SUMF1: variants seen among roughly 807,000 people sequenced by gnomAD.
The protein encoded by SUMF1 is sulfatase modifying factor 1.
In SUMF1, 48 loss-of-function variants were observed where a neutral mutation model predicts 47.6. The observed-to-expected ratio is 1.01, with a 90% CI of 0.80 to 1.28. SUMF1 has a LOEUF of 1.28. Among genes scored for constraint, SUMF1 ranks in the 50% most tolerant of loss-of-function variants. The pLI, the probability that SUMF1 is intolerant of heterozygous loss-of-function variation, is 0.00. For missense variants in SUMF1, 571 were observed against 485.4 expected, an observed-to-expected ratio of 1.18 and a Z score of -1.66; for synonymous variants, 230 against 192.1, an observed-to-expected ratio of 1.20 and a Z score of -1.63.
At chr3:4,137,672 A>G (rs1190723780) in intron 8 of SUMF1, among the ~76,000 whole-genome samples, 1 of 152,106 alleles carries the variant, frequency 6.6e-6, no homozygotes, top group African/African-American at 2.4e-5. Context: ...TCAACCTGAT[A>G]AAGGGAATCT....
At chr3:4,043,426 A>T (rs1694945449) in intron 9 of SUMF1, among the ~76,000 whole-genome samples, 1 of 152,134 alleles carries the variant, frequency 6.6e-6, no homozygotes, top group Non-Finnish European at 1.5e-5. Context: ...CCTCCTTTTC[A>T]AACTATTTGT....
intron 8 of SUMF1, among the ~76,000 whole-genome samples, chr3:4,172,988 T>G (rs1264803049): frequency 6.6e-6 from 1 of 152,186 alleles, no homozygotes; most frequent in African/African-American, 2.4e-5. Context: ...TGGTTTTAAG[T>G]CTTAGTTTAA....
intron 3 of SUMF1, among the ~76,000 whole-genome samples, chr3:4,432,713 G>C (rs767048603): frequency 6.6e-6 from 1 of 152,122 alleles, no homozygotes; most frequent in Non-Finnish European, 1.5e-5. Flanking sequence ...TTGAATCGCA[G>C]TCCGTCATCA....
At position 4,304,018 on chromosome 3, in the gene SUMF1, G is replaced by A. The variant is rs76956955; in HGVS notation, c.1014+72312C>T. The A allele has an allele frequency of 4.9e-3, 1,536 of 311,010 alleles. 13 individuals carry two copies. Among genetic ancestry groups the A allele is most frequent in the South Asian group, 9.9e-3 (245 of 24,746 alleles). 19.3% of individuals were successfully genotyped at this position (311,010 alleles called of 1,614,324 possible). On this transcript the variant is annotated intron_variant and NMD_transcript_variant, in intron 8 of 12. Transcript: ENST00000448413. ...TGTGGCTCAGCCTTAGAGTCTTCCA[G>A]CGTACAGTGGAACAGTACCTCTCTT...
intron 8 of SUMF1, among the ~76,000 whole-genome samples, chr3:4,150,328 G>A (rs1000248423): frequency 1.2e-4 from 18 of 150,246 alleles, no homozygotes; most frequent in South Asian, 2.1e-4. Context: ...TTGGGAGGCC[G>A]AGGCAGGTGG....
intron 8 of SUMF1, among the ~76,000 whole-genome samples, chr3:4,196,617 G>T (rs1459279469): frequency 6.6e-6 from 1 of 152,068 alleles, no homozygotes; most frequent in Non-Finnish European, 1.5e-5. Context: ...CAGAGACCTT[G>T]GCTAAAGTAC....
chr3:4,330,380 G>A (rs1408192059), intron 8 of SUMF1, among the ~76,000 whole-genome samples: 1 of 152,228 alleles, frequency 6.6e-6, no homozygotes. Context: ...AGGTTTAATG[G>A]ATTCACAGTT....
intron 8 of SUMF1, among the ~76,000 whole-genome samples, chr3:4,374,802 G>A (rs901962033): frequency 1.3e-5 from 2 of 152,184 alleles, no homozygotes; most frequent in African/African-American, 2.4e-5. Context: ...TAAAGACTCT[G>A]ATGTATACGT....
At chr3:4,415,845 G>A (rs1701693848) in intron 6 of SUMF1, among the ~76,000 whole-genome samples, 1 of 152,052 alleles carries the variant, frequency 6.6e-6, no homozygotes, top group Admixed American at 6.6e-5. Flanking sequence ...AAATAAAATG[G>A]CTCAAGGTTG....
chr3:4,188,381 G>A (rs1215839026), intron 8 of SUMF1, among the ~76,000 whole-genome samples: 1 of 152,000 alleles, frequency 6.6e-6, no homozygotes. Flanking sequence ...TAATATAATG[G>A]CATGTATCCA....
rs561688547 is a variant in SUMF1, at chr3:4,309,695, A to G, written c.1014+66635T>C. On this transcript the variant is annotated intron_variant and NMD_transcript_variant, in intron 8 of 12. Transcript: ENST00000448413. ...TCAGTAGGCCTCATCTACGTGGCAG[A>G]ACTTGGAAATGCCAGGCAAACACTA... 7.2e-5 allele frequency among the ~76,000 whole-genome samples: 11 copies of G among 152,324 alleles called. No individual in the cohort carries two copies. In the South Asian group the frequency reaches 1.9e-3, roughly 26 times the overall value.
chr3:4,462,764 G>C (rs1160441835), intron 1 of SUMF1, among the ~76,000 whole-genome samples: 1 of 152,136 alleles, frequency 6.6e-6, no homozygotes, highest in Non-Finnish European at 1.5e-5. Context: ...CATGCTCTCT[G>C]GATCTGTCCA....
chr3:4,242,587 A>T (rs192984485), intron 8 of SUMF1, among the ~76,000 whole-genome samples: 2 of 152,174 alleles, frequency 1.3e-5, no homozygotes, highest in Non-Finnish European at 2.9e-5. Flanking sequence ...ATTGATTTAT[A>T]TATGTTGAAC....
intron 7 of SUMF1, among the ~76,000 whole-genome samples, chr3:4,398,812 A>C (rs1202592030): frequency 1.3e-5 from 2 of 152,206 alleles, no homozygotes; most frequent in Middle Eastern, 3.2e-3. Context: ...TATATTTATA[A>C]CAAGTCTTGA....
chr3:4,370,214 T>C (rs1700128231), intron 8 of SUMF1, among the ~76,000 whole-genome samples: 1 of 152,144 alleles, frequency 6.6e-6, no homozygotes, highest in Non-Finnish European at 1.5e-5. Flanking sequence ...AGCATGAGAA[T>C]TCCAGGCAAG....
intron 9 of SUMF1, among the ~76,000 whole-genome samples, chr3:4,049,937 C>T (rs1227329690): frequency 2.0e-5 from 3 of 151,936 alleles, no homozygotes; most frequent in Non-Finnish European, 2.9e-5. Context: ...GATGTTCTTC[C>T]CCTGGAGTTT....
chr3:4,097,180 G>A (rs1208905193), intron 8 of SUMF1, among the ~76,000 whole-genome samples: 1 of 152,114 alleles, frequency 6.6e-6, no homozygotes, highest in Non-Finnish European at 1.5e-5. Flanking sequence ...AAGTAAACTA[G>A]AATTTTAACC....
At chr3:4,173,346 G>A (rs911362218) in intron 8 of SUMF1, among the ~76,000 whole-genome samples, 1 of 152,130 alleles carries the variant, frequency 6.6e-6, no homozygotes, top group Admixed American at 6.5e-5. Context: ...TCTCATGCCA[G>A]TTAGAATGGT....
At chr3:4,290,042 G>A (rs1697709549) in intron 8 of SUMF1, among the ~76,000 whole-genome samples, 2 of 152,162 alleles carry the variant, frequency 1.3e-5, no homozygotes, top group Non-Finnish European at 2.9e-5. Context: ...CATAATGAGT[G>A]GCACACTGTA....
Sources: allele counts gnomAD v4.1 joint callset (sites outside exome capture counted in the v4.1 genomes callset), GRCh38; gene constraint gnomAD v4.1.1; transcripts MANE v1.5; gene names NCBI Gene and HGNC (gene_info 2026-07-23, HGNC 2026-07-21).